Variants in ZNF81 observed in about 807,000 individuals in gnomAD.
ZNF81 encodes the protein zinc finger protein 81 (HFZ20).
ZNF81 carries 5 observed loss-of-function variants against 32.3 expected under a neutral mutation model. That is an observed-to-expected ratio of 0.15 (90% CI 0.08 to 0.33). The LOEUF (loss-of-function observed/expected upper bound fraction) is 0.33, where lower values mean the gene tolerates loss of function less well. Ranked by LOEUF, ZNF81 falls within the 10% of genes least tolerant of loss-of-function variation. The pLI, the probability that ZNF81 is intolerant of heterozygous loss-of-function variation, is 1.00. For missense variants in ZNF81, 379 were observed against 479.8 expected, an observed-to-expected ratio of 0.79 and a Z score of 1.96; for synonymous variants, 163 against 166.8, an observed-to-expected ratio of 0.98 and a Z score of 0.17.
chrX:47,903,164 C>G (rs1384880941), intron 4 of ZNF81, among the ~76,000 whole-genome samples: 1 of 110,116 alleles, frequency 9.1e-6, no homozygotes, highest in African/African-American at 3.3e-5. Context: ...CAGGGATGCC[C>G]TCTCTCACCA....
At chrX:47,904,795 A>C (rs781973224) in intron 4 of ZNF81, among the ~76,000 whole-genome samples, 8 of 112,061 alleles carry the variant, frequency 7.1e-5, no homozygotes, top group African/African-American at 2.3e-4. Context: ...TCACAATAGC[A>C]AAGACTTGGA....
chrX:47,854,951 C>T (rs1360708275), intron 2 of ZNF81, among the ~76,000 whole-genome samples: 5 of 109,723 alleles, frequency 4.6e-5, no homozygotes, highest in Admixed American at 9.7e-5. Context: ...AAATATTAGC[C>T]GGGTGTGGTG....
chrX:47,891,701 A>T (rs1338201767), intron 3 of ZNF81, among the ~76,000 whole-genome samples: 2 of 112,082 alleles, frequency 1.8e-5, no homozygotes, highest in African/African-American at 6.5e-5. Context: ...TCCATTAACC[A>T]CTACACTTTG....
chrX:47,909,522 GT>G (rs1420027216), intron 4 of ZNF81, among the ~76,000 whole-genome samples: 2 of 109,070 alleles, frequency 1.8e-5, no homozygotes, highest in Non-Finnish European at 3.8e-5. Flanking sequence ...TTGTTTGTTT[GT>G]TTTTTAGGTT....
At chrX:47,913,387 A>G (rs184556006) in intron 4 of ZNF81, among the ~76,000 whole-genome samples, 5 of 110,783 alleles carry the variant, frequency 4.5e-5, no homozygotes, top group Admixed American at 3.8e-4. Context: ...TTGGTGGGGT[A>G]TGGTCCCCAA....
chrX:47,918,392 G>A lies in ZNF81; in HGVS notation c.*1760G>A, dbSNP rs1556891375. The A allele has an allele frequency of 9.0e-6, 1 of 111,019 alleles. No individual in the cohort carries two copies. The highest frequency in any genetic ancestry group is 1.9e-5 in the Non-Finnish European group (1 of 53,026). The allele number at this position is 111,019 out of a possible 1,213,427, so 9.1% of individuals were successfully genotyped here. A position where few individuals can be genotyped will look rare whatever the true frequency, so the allele number is the denominator to read the frequency against. On this transcript the variant is annotated 3_prime_UTR_variant, in exon 5 of 5. Coordinates refer to ENST00000338637, the MANE Select transcript of ZNF81 (RefSeq NM_007137.5). ...AGGAGACCATCTCAGCTAAACTTAA[G>A]GGCTTCTAAAAATCTTCATGACGTT...
Position 47,922,668 on chromosome X carries a change from C to G in ZNF81, c.*6036C>G, listed in dbSNP as rs682307. On this transcript the variant is annotated 3_prime_UTR_variant, in exon 5 of 5. Transcript: ENST00000338637. ...TCATCTATAAAAGATGTACACACTA[C>G]CACCTATCATAGATTTGACTAAGAA... 0.11 allele frequency among the ~76,000 whole-genome samples: 12,545 copies of G among 111,177 alleles called. 1,438 individuals are homozygous for G. The highest frequency in any genetic ancestry group is 0.36 in the African/African-American group (10,857 of 30,313).
In ZNF81 at chrX:47,899,424, T is replaced by C. The variant is rs1207891339; in HGVS notation, c.277+3484T>C. 2.7e-5 allele frequency among the ~76,000 whole-genome samples: 3 copies of C among 111,506 alleles called. No homozygotes were observed. In the East Asian group the frequency reaches 8.4e-4, roughly 31 times the overall value. ...AATTCATTGATTTTTAAATGTTGAA[T>C]TAACCTTGTATTTCTGAGATAAATA... On this transcript the variant is annotated intron_variant, in intron 4 of 4. Coordinates refer to ENST00000338637, the MANE Select transcript of ZNF81 (RefSeq NM_007137.5).
chrX:47,922,744 C>T lies in ZNF81; in HGVS notation c.*6112C>T, dbSNP rs1486436961. Reference sequence around the variant, plus strand: ...TAACAAAGTACCACAAATTGGGCAGCCTAAAACAGCAGAAATTGTCTCATT... The same window carrying T: ...TAACAAAGTACCACAAATTGGGCAGTCTAAAACAGCAGAAATTGTCTCATT... On this transcript the variant is annotated 3_prime_UTR_variant, in exon 5 of 5. Transcript: ENST00000338637. Among the ~76,000 whole-genome samples the T allele has an allele frequency of 1.8e-5, 2 of 111,710 alleles. No individual in the cohort carries two copies. Among genetic ancestry groups the T allele is most frequent in the African/African-American group, 6.5e-5 (2 of 30,669 alleles).
chrX:47,860,866 G>T (rs1308047641), intron 2 of ZNF81: 2 of 111,406 alleles, frequency 1.8e-5, no homozygotes, highest in African/African-American at 6.5e-5. Context: ...GTGGATAGGG[G>T]TGCTAGGAAC....
At chrX:47,885,368 A>G (rs1337757196) in intron 2 of ZNF81, among the ~76,000 whole-genome samples, 2 of 112,090 alleles carry the variant, frequency 1.8e-5, no homozygotes, top group Non-Finnish European at 3.8e-5. Context: ...GTTTCTGCAC[A>G]TTATTTTTAA....
chrX:47,916,754 C>T lies in ZNF81; in HGVS notation c.*122C>T. On this transcript the variant is annotated 3_prime_UTR_variant, in exon 5 of 5. Coordinates refer to ENST00000338637, the MANE Select transcript of ZNF81 (RefSeq NM_007137.5). ...GAATACATTGTATAAGGAAAAGCAT[C>T]AGGCTATCTCACTTGAGATGGAAAA... is the stretch of plus-strand genomic sequence containing the variant. 2 of 761,932 alleles carry T rather than the reference C, an allele frequency of 2.6e-6. No homozygotes were observed. Among genetic ancestry groups the T allele is most frequent in the South Asian group, 9.1e-5 (2 of 21,954 alleles). 62.8% of individuals were successfully genotyped at this position (761,932 alleles called of 1,213,427 possible).
At chrX:47,907,578 G>A (rs781970434) in intron 4 of ZNF81, among the ~76,000 whole-genome samples, 1 of 111,143 alleles carries the variant, frequency 9.0e-6, no homozygotes, top group South Asian at 3.8e-4. Flanking sequence ...TGCACCTCAG[G>A]ACATACAAAA....
chrX:47,840,398 A>T (rs1352349442), intron 1 of ZNF81, among the ~76,000 whole-genome samples: 1 of 111,580 alleles, frequency 9.0e-6, no homozygotes, highest in Non-Finnish European at 1.9e-5. Context: ...GGCCGCAGCC[A>T]ATGTAGAAAA....
chrX:47,879,179 A>G (rs1556884857), intron 2 of ZNF81, among the ~76,000 whole-genome samples: 1 of 111,846 alleles, frequency 8.9e-6, no homozygotes, highest in Admixed American at 9.5e-5. Context: ...TCCTTTTGCT[A>G]TGTAGTATAA....
chrX:47,858,342 T>G (rs1556882123), intron 2 of ZNF81, among the ~76,000 whole-genome samples: 1 of 111,896 alleles, frequency 8.9e-6, no homozygotes, highest in African/African-American at 3.3e-5. Flanking sequence ...GAAGGCTGAT[T>G]AAGAACAGCC....
intron 2 of ZNF81, among the ~76,000 whole-genome samples, chrX:47,847,071 C>A (rs782596003): frequency 9.8e-5 from 11 of 112,243 alleles, no homozygotes; most frequent in Non-Finnish European, 1.7e-4. Flanking sequence ...GGTGTTAAAT[C>A]TCCTTTCTAT....
rs1294622796 is a variant in ZNF81, at chrX:47,923,741, T to G, written c.*7109T>G. ...GATTATTCTGTCGTTTGGGTTATAC[T>G]GAGAAATAAGAGTTGGCTAAAGTAG... is the stretch of plus-strand genomic sequence containing the variant. On this transcript the variant is annotated 3_prime_UTR_variant, in exon 5 of 5. Coordinates refer to ENST00000338637, the MANE Select transcript of ZNF81 (RefSeq NM_007137.5). 8.9e-6 allele frequency among the ~76,000 whole-genome samples: 1 copy of G among 112,005 alleles called. No homozygotes were observed. Among genetic ancestry groups the G allele is most frequent in the Non-Finnish European group, 1.9e-5 (1 of 53,207 alleles).
rs1218096430 is a variant in ZNF81 at position 47,917,284 on chromosome X, A to G, written c.*652A>G. 3 of 295,892 alleles carry G rather than the reference A, an allele frequency of 1.0e-5. 1 individual carries two copies. The Admixed American group carries it at 1.8e-4, about 18-fold the overall frequency. The allele number at this position is 295,892 out of a possible 1,213,427, so 24.4% of individuals were successfully genotyped here. On this transcript the variant is annotated 3_prime_UTR_variant, in exon 5 of 5. Transcript: ENST00000338637. ...TACACACATCTGCAGATATAATTTT[A>G]TAAGAACACACAAATATAATCCTGT... is the stretch of plus-strand genomic sequence containing the variant.
Sources: gnomAD v4.1 joint callset for allele counts (sites outside exome capture counted in the v4.1 genomes callset) on GRCh38, gnomAD v4.1.1 for gene constraint, MANE v1.5 for transcripts, NCBI Gene and HGNC (gene_info 2026-07-23, HGNC 2026-07-21) for gene names.